FAH: variants seen among roughly 807,000 people sequenced by gnomAD.
FAH encodes the protein fumarylacetoacetate hydrolase, also known as fumarylacetoacetase.
FAH carries 47 observed loss-of-function variants against 55.8 expected under a neutral mutation model. The observed-to-expected ratio is 0.84, with a 90% confidence interval of 0.67 to 1.07. The LOEUF (loss-of-function observed/expected upper bound fraction) is 1.07. Among genes scored for constraint, FAH ranks in the 50% least tolerant of loss-of-function variants. The pLI is 0.00. For synonymous variants in FAH, 199 were observed against 207.7 expected (o/e 0.96, Z 0.36); for missense variants, 495 against 545.9 (o/e 0.91, Z 0.93).
chr15:80,182,286 C>T (rs1309856985), intron 13 of FAH, among the ~76,000 whole-genome samples: 1 of 152,152 alleles, frequency 6.6e-6, no homozygotes, highest in Non-Finnish European at 1.5e-5. Context: ...ATCACATCTC[C>T]AGAAAATTTA....
chr15:80,178,132 C>T (rs532749964), intron 11 of FAH, among the ~76,000 whole-genome samples: 4 of 152,042 alleles, frequency 2.6e-5, no homozygotes, highest in East Asian at 1.9e-4. Flanking sequence ...CCCAGGAGGT[C>T]GAGGCTGCAG....
intron 5 of FAH, among the ~76,000 whole-genome samples, chr15:80,165,119 G>A (rs1382397714): frequency 2.0e-5 from 3 of 152,210 alleles, no homozygotes; most frequent in Non-Finnish European, 2.9e-5. Flanking sequence ...AGGGCTGGGC[G>A]CGGTGGCTCA....
chr15:80,166,705 C>T (rs1039822280), intron 5 of FAH, among the ~76,000 whole-genome samples: 7 of 143,042 alleles, frequency 4.9e-5, no homozygotes, highest in Admixed American at 2.2e-4. Flanking sequence ...GGCACCATCT[C>T]GGCTCACTGC....
chr15:80,158,896 A>T (rs934129278), intron 2 of FAH, among the ~76,000 whole-genome samples: 1 of 152,024 alleles, frequency 6.6e-6, no homozygotes, highest in African/African-American at 2.4e-5. Context: ...GACTCTTAGA[A>T]CCTACAAGGG....
At chr15:80,162,634 T>C in intron 5 of FAH, 2 of 456,852 alleles carry the variant, frequency 4.4e-6, no homozygotes, top group Non-Finnish European at 8.1e-6. Flanking sequence ...AAGCTGTGTA[T>C]TATTGTACTA....
chr15:80,180,347 A>G, intron 12 of FAH, 122 bp downstream of exon 12: 2 of 749,962 alleles, frequency 2.7e-6, no homozygotes, highest in South Asian at 1.5e-5. Flanking sequence ...GTATCTCACA[A>G]CTCTGTCTTC....
intron 7 of FAH, 108 bp from the exon 8 acceptor site, chr15:80,172,041 C>T: frequency 1.2e-6 from 1 of 834,426 alleles, no homozygotes; most frequent in East Asian, 2.4e-5. Flanking sequence ...CTGTGGCAGT[C>T]CTGGTCCATG....
intron 7 of FAH, 94 bp downstream of exon 7, chr15:80,168,410 C>A: frequency 7.9e-7 from 1 of 1,271,956 alleles, no homozygotes. Context: ...GCCGCCCACT[C>A]CCCTCCTCTT....
intron 5 of FAH, chr15:80,166,937 G>C (rs2041197475): frequency 6.6e-6 from 1 of 152,084 alleles, no homozygotes; most frequent in Non-Finnish European, 1.5e-5. Flanking sequence ...GCCCGGCCTA[G>C]AGTTTTGCAT....
intron 5 of FAH, among the ~76,000 whole-genome samples, chr15:80,166,635 C>CT (rs768001652): frequency 0.29 from 34,050 of 118,300 alleles, 6,215 homozygotes; most frequent in East Asian, 0.45. Flanking sequence ...TTTGCATTTT[C>CT]TTTTTTTTTT....
chr15:80,180,071 A>G lies in FAH; in HGVS notation c.961-53A>G, dbSNP rs112605749. ...CAGGCTGTGCCCAGCTGCCTCCGGG[A>G]TGCTAGGCTAAGCCTGCCGCTGCTC... On this transcript the variant is annotated intron_variant, in intron 11 of 13. Coordinates refer to ENST00000561421, the MANE Select transcript of FAH (RefSeq NM_000137.4). 442 of 1,245,430 alleles carry G rather than the reference A, an allele frequency of 3.5e-4. 1 individual carries two copies. In the African/African-American group the frequency reaches 4.5e-3, roughly 13 times the overall value. The allele number at this position is 1,245,430 out of a possible 1,614,324, so 77.1% of individuals were successfully genotyped here.
intron 9 of FAH, among the ~76,000 whole-genome samples, chr15:80,174,749 T>C (rs1052714922): frequency 2.0e-5 from 3 of 152,210 alleles, no homozygotes; most frequent in African/African-American, 7.2e-5. Context: ...TCCTGTGGCT[T>C]TCAGGAACAT....
chr15:80,175,220 T>A, intron 10 of FAH, 129 bp downstream of exon 10: 1 of 843,322 alleles, frequency 1.2e-6, no homozygotes, highest in East Asian at 2.5e-5. Context: ...TGTGTGTGGC[T>A]CGTCTAAAGG....
chr15:80,171,482 A>C (rs542774833), intron 7 of FAH, among the ~76,000 whole-genome samples: 45 of 152,276 alleles, frequency 3.0e-4, no homozygotes, highest in African/African-American at 5.1e-4. Context: ...ATTTTTTGAG[A>C]CAGGGTCTTG....
chr15:80,162,394 G>A (rs752993613), intron 5 of FAH, 58 bp downstream of exon 5: 11 of 1,478,708 alleles, frequency 7.4e-6, no homozygotes, highest in Non-Finnish European at 9.5e-6. Context: ...ATTTCCAGCA[G>A]CATATTTGTC....
At chr15:80,168,517 A>G in intron 7 of FAH, 1 of 616,936 alleles carries the variant, frequency 1.6e-6, no homozygotes, top group South Asian at 1.9e-5. Context: ...ATTCACAACT[A>G]CTTGCTAATA....
chr15:80,174,485 C>T (rs2041266309), intron 9 of FAH, among the ~76,000 whole-genome samples: 1 of 152,232 alleles, frequency 6.6e-6, no homozygotes, highest in Admixed American at 6.5e-5. Context: ...CAAAAACGAT[C>T]TCATGTCCCG....
intron 5 of FAH, chr15:80,165,845 T>C (rs905127679): frequency 1.3e-5 from 2 of 152,228 alleles, no homozygotes; most frequent in African/African-American, 4.8e-5. Flanking sequence ...CAAGGATGCA[T>C]TGGACTGGAT....
intron 7 of FAH, among the ~76,000 whole-genome samples, chr15:80,169,671 C>G (rs952667179): frequency 1.3e-5 from 2 of 151,926 alleles, no homozygotes; most frequent in African/African-American, 4.8e-5. Context: ...ATAGCTGGGA[C>G]CACAGGCACC....
Sources: allele counts gnomAD v4.1 joint callset (sites outside exome capture counted in the v4.1 genomes callset), GRCh38; gene constraint gnomAD v4.1.1; transcripts MANE v1.5; gene names NCBI Gene and HGNC (gene_info 2026-07-23, HGNC 2026-07-21).